Variants in PPP4R4 observed in about 807,000 individuals in gnomAD.
PPP4R4 encodes the protein protein phosphatase 4 regulatory subunit 4, also known as serine/threonine-protein phosphatase 4 regulatory subunit 4.
Under a neutral mutation model 121.8 loss-of-function variants are expected in PPP4R4, and 70 were observed. The observed-to-expected ratio is 0.57, with a 90% CI of 0.47 to 0.70. PPP4R4 has a LOEUF of 0.70. PPP4R4 is among the 30% of genes least tolerant of loss of function. The pLI, the probability that PPP4R4 is intolerant of heterozygous loss-of-function variation, is 0.00. For missense variants in PPP4R4, 875 were observed against 1,033.6 expected (o/e 0.85, Z 2.10); for synonymous variants, 348 against 355.7 (o/e 0.98, Z 0.24).
At chr14:94,214,566 A>C (rs1306564299) in intron 3 of PPP4R4, among the ~76,000 whole-genome samples, 1 of 151,976 alleles carries the variant, frequency 6.6e-6, no homozygotes, top group Non-Finnish European at 1.5e-5. Flanking sequence ...AATTTCTCCT[A>C]ATATGATTAT....
chr14:94,228,270 A>G (rs1891830404), intron 3 of PPP4R4, among the ~76,000 whole-genome samples: 1 of 152,186 alleles, frequency 6.6e-6, no homozygotes, highest in South Asian at 2.1e-4. Flanking sequence ...TAAATGATGA[A>G]TGGAAGTGCA....
intron 3 of PPP4R4, among the ~76,000 whole-genome samples, chr14:94,221,878 T>C (rs564714392): frequency 1.4e-4 from 22 of 152,230 alleles, no homozygotes; most frequent in African/African-American, 4.8e-4. Flanking sequence ...CATCTTTTCA[T>C]ATAAAGTCTT....
chr14:94,275,060 A>G (rs1227532451), intron 23 of PPP4R4, among the ~76,000 whole-genome samples: 3 of 152,206 alleles, frequency 2.0e-5, no homozygotes, highest in African/African-American at 2.4e-5. Context: ...TTTCATTTAT[A>G]TAAAATTCTA....
chr14:94,176,267 A>C (rs1888676063), intron 2 of PPP4R4, 140 bp downstream of exon 2: 1 of 631,646 alleles, frequency 1.6e-6, no homozygotes, highest in African/African-American at 1.8e-5. Flanking sequence ...CATAGTACTT[A>C]ACTATATTAT....
At chr14:94,231,192 G>T in intron 4 of PPP4R4, 50 bp from the exon 5 acceptor site, 1 of 1,446,912 alleles carries the variant, frequency 6.9e-7, no homozygotes, top group South Asian at 1.2e-5. Flanking sequence ...AGTTGAAACT[G>T]AATTTGAAGT....
intron 12 of PPP4R4, 23 bp from the exon 13 acceptor site, chr14:94,245,564 G>A: frequency 1.5e-6 from 2 of 1,353,558 alleles, no homozygotes; most frequent in Non-Finnish European, 2.1e-6. Context: ...CACTATAACA[G>A]TAATCAATAT....
chr14:94,268,718 G>A (rs1894166779), intron 23 of PPP4R4, among the ~76,000 whole-genome samples: 2 of 152,114 alleles, frequency 1.3e-5, no homozygotes, highest in South Asian at 4.1e-4. Context: ...GCAAGCAAGA[G>A]GGTGTATGTA....
chr14:94,203,929 C>T (rs1042902326), intron 2 of PPP4R4, among the ~76,000 whole-genome samples: 2 of 152,102 alleles, frequency 1.3e-5, no homozygotes, highest in African/African-American at 4.8e-5. Context: ...TTTATATGGT[C>T]TCGACACTAG....
intron 3 of PPP4R4, among the ~76,000 whole-genome samples, chr14:94,223,748 C>T (rs1410558360): frequency 1.3e-5 from 2 of 152,148 alleles, no homozygotes; most frequent in African/African-American, 4.8e-5. Flanking sequence ...GTTACCTAGT[C>T]TGCCTTTATT....
intron 3 of PPP4R4, among the ~76,000 whole-genome samples, chr14:94,220,228 A>C (rs935892274): frequency 6.6e-6 from 1 of 152,154 alleles, no homozygotes; most frequent in African/African-American, 2.4e-5. Context: ...CTCATAAATA[A>C]ATAAATAAAT....
intron 19 of PPP4R4, 126 bp from the exon 20 acceptor site, chr14:94,264,752 G>GA: frequency 5.5e-6 from 4 of 732,340 alleles, no homozygotes; most frequent in East Asian, 2.7e-5. Flanking sequence ...ACTAACATTG[G>GA]AAAAAAATAC....
intron 3 of PPP4R4, among the ~76,000 whole-genome samples, chr14:94,220,259 A>T (rs1891311200): frequency 6.6e-6 from 1 of 152,178 alleles, no homozygotes; most frequent in Non-Finnish European, 1.5e-5. Context: ...ACAACTCAGT[A>T]AACTAGAAAT....
chr14:94,192,575 G>C (rs1368675750), intron 2 of PPP4R4, among the ~76,000 whole-genome samples: 1 of 152,178 alleles, frequency 6.6e-6, no homozygotes, highest in Non-Finnish European at 1.5e-5. Context: ...TTCAAGCACA[G>C]TATCAGCAGC....
chr14:94,259,152 C>T (rs915871466), intron 18 of PPP4R4, 143 bp from the exon 19 acceptor site: 5 of 1,356,690 alleles, frequency 3.7e-6, no homozygotes, highest in African/African-American at 1.5e-5. Context: ...CCTCCCACAA[C>T]ATGTGGGAAT....
chr14:94,260,909 CTATT>C (rs1443291926), intron 19 of PPP4R4, among the ~76,000 whole-genome samples: 1 of 151,926 alleles, frequency 6.6e-6, no homozygotes, highest in African/African-American at 2.4e-5. Context: ...ATTTTTTCCT[CTATT>C]TTCTTTTAAA....
At chr14:94,259,495 G>T in intron 19 of PPP4R4, 126 bp downstream of exon 19, 1 of 1,269,794 alleles carries the variant, frequency 7.9e-7, no homozygotes, top group African/African-American at 1.5e-5. Context: ...TTAAATGATA[G>T]TCCAGTTTTT....
chr14:94,248,657 C>G (rs1485676265), intron 14 of PPP4R4, among the ~76,000 whole-genome samples: 1 of 152,120 alleles, frequency 6.6e-6, no homozygotes, highest in African/African-American at 2.4e-5. Context: ...GTTGTAGAAT[C>G]CATTGATGAT....
intron 23 of PPP4R4, among the ~76,000 whole-genome samples, chr14:94,268,922 A>G (rs934933324): frequency 6.6e-6 from 1 of 152,200 alleles, no homozygotes; most frequent in Admixed American, 6.6e-5. Context: ...GAGAGTAAAT[A>G]TTTTATTAAA....
intron 14 of PPP4R4, among the ~76,000 whole-genome samples, chr14:94,247,642 A>T (rs1320087409): frequency 6.6e-6 from 1 of 152,256 alleles, no homozygotes; most frequent in African/African-American, 2.4e-5. Flanking sequence ...TTCCTGACGA[A>T]CATCAACATA....
Sources: gnomAD v4.1 joint callset for allele counts (sites outside exome capture counted in the v4.1 genomes callset) on GRCh38, gnomAD v4.1.1 for gene constraint, MANE v1.5 for transcripts, NCBI Gene and HGNC (gene_info 2026-07-23, HGNC 2026-07-21) for gene names.